The following FBN3 variants were observed in gnomAD, a reference collection of about 807,000 sequenced individuals.
FBN3 encodes fibrillin 3, also known as fibrillin-3.
FBN3 carries 234 observed loss-of-function variants against 330.1 expected under a neutral mutation model. That is an observed-to-expected ratio of 0.71 (90% CI 0.64 to 0.79). The LOEUF (loss-of-function observed/expected upper bound fraction) is 0.79. FBN3 is among the 30% of genes least tolerant of loss of function. The pLI is 0.00. For missense variants in FBN3, 3,606 were observed against 3,886.9 expected, an observed-to-expected ratio of 0.93 and a Z score of 1.92; for synonymous variants, 1,458 against 1,517.3, an observed-to-expected ratio of 0.96 and a Z score of 0.91.
At position 8,096,625 on chromosome 19, in the gene FBN3, G is replaced by C; in HGVS notation, c.5414-56C>G. 2 of 1,552,842 alleles carry C rather than the reference G, an allele frequency of 1.3e-6. No individual in the cohort carries two copies. The highest frequency in any genetic ancestry group is 1.7e-6 in the Non-Finnish European group (2 of 1,151,218). ...GGCTCCTACCACAGTGTTTGCCTGA[G>C]CTCTCCCTACTGCAATGGGGAAGCC... On this transcript the variant is annotated intron_variant, in intron 43 of 63. Transcript: ENST00000600128. This position sits in a 1 kb window ranked among gnomAD's most constrained non-coding sequence, Gnocchi z 4.6.
intron 30 of FBN3, among the ~76,000 whole-genome samples, chr19:8,113,119 G>A (rs11666268): frequency 0.36 from 54,435 of 152,078 alleles, 10,725 homozygotes; most frequent in Middle Eastern, 0.48. Flanking sequence ...ATCCAGTGAT[G>A]AGTGTTCTTT....
intron 46 of FBN3, 57 bp from the exon 47 acceptor site, chr19:8,094,622 G>A: frequency 6.4e-7 from 1 of 1,569,148 alleles, no homozygotes; most frequent in South Asian, 1.2e-5. Flanking sequence ...GGGCTCACTT[G>A]GGACTGGGAC....
At position 8,126,452 on chromosome 19, in the gene FBN3, T is replaced by A; in HGVS notation, c.2554+16A>T. On this transcript the variant is annotated intron_variant, in intron 20 of 63. Coordinates refer to ENST00000600128, the MANE Select transcript of FBN3 (RefSeq NM_032447.5). ...TTTTCCCATGGGTGCCTGGGAGGCCTCAAGGAGGATACTACCGATCTCGCA... is the reference window on the plus strand; with the variant it reads ...TTTTCCCATGGGTGCCTGGGAGGCCACAAGGAGGATACTACCGATCTCGCA... 1 of 1,608,130 alleles carries A rather than the reference T, an allele frequency of 6.2e-7. No individual in the cohort carries two copies.
At chr19:8,119,164 G>C (rs1417259573) in intron 25 of FBN3, 142 bp from the exon 26 acceptor site, 16 of 991,310 alleles carry the variant, frequency 1.6e-5, no homozygotes, top group Non-Finnish European at 2.3e-5. Flanking sequence ...GAGGCTCCGG[G>C]TTGGGATGAC....
chr19:8,102,908 G>A, intron 39 of FBN3, 35 bp from the exon 40 acceptor site: 3 of 1,609,684 alleles, frequency 1.9e-6, no homozygotes, highest in Middle Eastern at 1.7e-4. Flanking sequence ...ATGTGGGTAA[G>A]GGTCACCTAA....
intron 56 of FBN3, among the ~76,000 whole-genome samples, chr19:8,083,945 G>A (rs2144641413): frequency 6.6e-6 from 1 of 152,044 alleles, no homozygotes; most frequent in Non-Finnish European, 1.5e-5. Flanking sequence ...TGGGACTACA[G>A]GCACCTGCCA....
chr19:8,132,420 A>T lies in FBN3; in HGVS notation c.1714+564T>A, dbSNP rs576566833. Among the ~76,000 whole-genome samples, 5 of 151,710 alleles carry T rather than the reference A, an allele frequency of 3.3e-5. No individual in the cohort carries two copies. The East Asian group carries it at 9.7e-4, about 29-fold the overall frequency. ...GGTCTCGAACTCCTGTCCTCAAGTG[A>T]TCCTCTAACCTCAGCCTCCCAAAGT... is the stretch of plus-strand genomic sequence containing the variant. On this transcript the variant is annotated intron_variant, in intron 14 of 63. Transcript: ENST00000600128.
Position 8,121,126 on chromosome 19 carries a change from T to G in FBN3, c.3211+132A>C. 2.3e-6 allele frequency: 2 copies of G among 886,132 alleles called. No individual in the cohort carries two copies. Among genetic ancestry groups the G allele is most frequent in the South Asian group, 3.5e-5 (2 of 57,752 alleles). The allele number at this position is 886,132 out of a possible 1,614,324, so 54.9% of individuals were successfully genotyped here. ...GAGCCCAGACTCACTGTACCTCAGCTAATTTACAGCTCCTCCCTCCTCCTG... is the reference window on the plus strand; with the variant it reads ...GAGCCCAGACTCACTGTACCTCAGCGAATTTACAGCTCCTCCCTCCTCCTG... On this transcript the variant is annotated intron_variant, in intron 25 of 63. Coordinates refer to ENST00000600128, the MANE Select transcript of FBN3 (RefSeq NM_032447.5). The surrounding 1 kb of genome is among the most constrained non-coding windows in gnomAD (Gnocchi z 4.5).
chr19:8,147,418 C>G lies in FBN3; in HGVS notation c.63G>C (p.Ser21=). Residue 21 remains serine (S), a synonymous_variant, in exon 2 of 64, where the codon TCG becomes TCC. Transcript: ENST00000600128. ...GPLARLLLAW[S]ALLCMAGGQG... ...GGCCACCTGCCATGCACAACAGGGC[C>G]GACCAGGCCAGCAGGAGCCGGGCCA... 9 of 1,591,394 alleles carry G rather than the reference C, an allele frequency of 5.7e-6. No individual in the cohort carries two copies. Among genetic ancestry groups the G allele is most frequent in the Non-Finnish European group, 7.7e-6 (9 of 1,170,396 alleles).
chr19:8,121,394 G>C lies in FBN3; in HGVS notation c.3083-8C>G. On this transcript the variant is annotated splice_polypyrimidine_tract_variant and splice_region_variant and intron_variant, in intron 24 of 63. Transcript: ENST00000600128. This position sits in a 1 kb window ranked among gnomAD's most constrained non-coding sequence, Gnocchi z 4.5. Reference sequence around the variant, plus strand: ...TGCGACACTCGTCGATATCTGTGGGGAGAGGGGGCAGAGGCCGGAGGCGCC... The same window carrying C: ...TGCGACACTCGTCGATATCTGTGGGCAGAGGGGGCAGAGGCCGGAGGCGCC... The C allele has an allele frequency of 6.4e-7, 1 of 1,569,266 alleles. No individual in the cohort carries two copies.
chr19:8,131,134 A>G lies in FBN3; in HGVS notation c.2044+101T>C. On this transcript the variant is annotated intron_variant, in intron 16 of 63. Transcript: ENST00000600128. This position sits in a 1 kb window ranked among gnomAD's most constrained non-coding sequence, Gnocchi z 4.5. ...GCCGTCTGGTCTGGGGCACTTTGTTACGGGAACCCCGGGCCAACTCCTACA... is the reference window on the plus strand; with the variant it reads ...GCCGTCTGGTCTGGGGCACTTTGTTGCGGGAACCCCGGGCCAACTCCTACA... The G allele has an allele frequency of 8.8e-7, 1 of 1,133,558 alleles. No homozygotes were observed. 70.2% of individuals were successfully genotyped at this position (1,133,558 alleles called of 1,614,324 possible).
rs1042676360 is a variant in FBN3 at position 8,131,136 on chromosome 19, G to A, written c.2044+99C>T. The A allele has an allele frequency of 2.8e-5, 33 of 1,163,524 alleles. No homozygotes were observed. Among genetic ancestry groups the A allele is most frequent in the Middle Eastern group, 2.8e-4 (1 of 3,550 alleles). The allele number at this position is 1,163,524 out of a possible 1,614,324, so 72.1% of individuals were successfully genotyped here. On this transcript the variant is annotated intron_variant, in intron 16 of 63. Coordinates refer to ENST00000600128, the MANE Select transcript of FBN3 (RefSeq NM_032447.5). The surrounding 1 kb of genome is among the most constrained non-coding windows in gnomAD (Gnocchi z 4.5). ...CGTCTGGTCTGGGGCACTTTGTTAC[G>A]GGAACCCCGGGCCAACTCCTACAGC...
chr19:8,118,337 G>A (rs2082758276), intron 26 of FBN3, among the ~76,000 whole-genome samples: 1 of 152,040 alleles, frequency 6.6e-6, no homozygotes. Context: ...GCGCATGCCT[G>A]TAGTCCCACC....
chr19:8,123,991 A>G lies in FBN3; in HGVS notation c.2749T>C (p.Cys917Arg), dbSNP rs763441774. ...TCATCCTCATCCCATCGCAGGAAAC[A>G]TGGTTCCAATCTCACATCTGCACGG... is the stretch of plus-strand genomic sequence containing the variant. ...RLCVDVRLEP[C>R]FLRWDEDECG... Residue 917 changes from cysteine to arginine, a missense_variant, in exon 23 of 64, where the codon TGT (cysteine) becomes CGT (arginine). Coordinates refer to ENST00000600128, the MANE Select transcript of FBN3 (RefSeq NM_032447.5). 3.1e-6 allele frequency: 5 copies of G among 1,613,808 alleles called. No individual in the cohort carries two copies. The highest frequency in any genetic ancestry group is 1.7e-6 in the Non-Finnish European group (2 of 1,179,950).
chr19:8,071,115 TGCATACA>T (rs1335483866), intron 63 of FBN3, among the ~76,000 whole-genome samples: 1 of 152,118 alleles, frequency 6.6e-6, no homozygotes, highest in Non-Finnish European at 1.5e-5. Context: ...GAGTGATACC[TGCATACA>T]GCAGGTGTTT....
Position 8,095,629 on chromosome 19 carries a change from G to A in FBN3, c.5657-126C>T, listed in dbSNP as rs557775325. On this transcript the variant is annotated intron_variant, in intron 45 of 63. Coordinates refer to ENST00000600128, the MANE Select transcript of FBN3 (RefSeq NM_032447.5). Reference sequence around the variant, plus strand: ...GCTTCAACTTGAGCACTCATGTATAGACTATGTATATTAGCCTTCTACCTA... The same window carrying A: ...GCTTCAACTTGAGCACTCATGTATAAACTATGTATATTAGCCTTCTACCTA... 6.1e-6 allele frequency: 6 copies of A among 976,318 alleles called. No homozygotes were observed. The Admixed American group carries it at 1.3e-4, about 22-fold the overall frequency. 60.5% of individuals were successfully genotyped at this position (976,318 alleles called of 1,614,324 possible). A position where few individuals can be genotyped will look rare whatever the true frequency, so the allele number is the denominator to read the frequency against.
intron 5 of FBN3, among the ~76,000 whole-genome samples, chr19:8,145,257 C>T (rs986542645): frequency 6.6e-6 from 1 of 151,532 alleles, no homozygotes; most frequent in African/African-American, 2.4e-5. Flanking sequence ...TCTTTTAATC[C>T]CAGCTACTCA....
intron 46 of FBN3, 99 bp downstream of exon 46, chr19:8,095,276 G>C (rs2082185617): frequency 3.6e-5 from 44 of 1,239,034 alleles, no homozygotes; most frequent in Non-Finnish European, 4.9e-5. Flanking sequence ...TAAATGCTTG[G>C]GTAGTAAATG....
At chr19:8,136,615 G>C in intron 10 of FBN3, 84 bp from the exon 11 acceptor site, 8 of 1,565,226 alleles carry the variant, frequency 5.1e-6, no homozygotes, top group Non-Finnish European at 6.1e-6. Context: ...TCTAGGCCCA[G>C]ATACCCCCTC....
Sources: allele counts gnomAD v4.1 joint callset (sites outside exome capture counted in the v4.1 genomes callset), GRCh38; gene constraint gnomAD v4.1.1; non-coding constraint Gnocchi (gnomAD v3.1); transcripts MANE v1.5; gene names NCBI Gene and HGNC (gene_info 2026-07-23, HGNC 2026-07-21).